ABCC9: variants seen among roughly 807,000 people sequenced by gnomAD.
ABCC9 encodes ATP-binding cassette sub-family C member 9.
ABCC9 carries 95 observed loss-of-function variants against 188.3 expected under a neutral mutation model. That is an observed-to-expected ratio of 0.50 (90% CI 0.43 to 0.60). The LOEUF (loss-of-function observed/expected upper bound fraction) is 0.60. ABCC9 is among the 20% of genes least tolerant of loss of function. The pLI is 0.00. For missense variants in ABCC9, 1,102 were observed against 1,876.3 expected (o/e 0.59, Z 7.62); for synonymous variants, 659 against 652.7 (o/e 1.01, Z -0.15).
chr12:21,866,657 A>T (rs1338880427), intron 18 of ABCC9, among the ~76,000 whole-genome samples: 1 of 152,216 alleles, frequency 6.6e-6, no homozygotes, highest in Non-Finnish European at 1.5e-5. Context: ...AAATTAATAA[A>T]TGCAAGGGTC....
In ABCC9 at chr12:21,806,076, A is replaced by AT. The variant is rs766410793; in HGVS notation, c.4450-17_4450-16insA. 2.2e-4 allele frequency: 348 copies of AT among 1,588,780 alleles called. No homozygotes were observed. The highest frequency in any genetic ancestry group is 2.7e-4 in the Non-Finnish European group (314 of 1,159,126). On this transcript the variant is annotated splice_polypyrimidine_tract_variant and intron_variant, in intron 38 of 39. Coordinates refer to ENST00000261200, the MANE Select transcript of ABCC9 (RefSeq NM_020297.4). ...AAATATTCTCCTGCAAAAAAAAAAA[A>AT]GTGTAAATTTTCTCGGGATTACTTT...
rs753497199 is a variant in ABCC9, at chr12:21,805,949, T to G, written c.4512+49A>C. On this transcript the variant is annotated intron_variant, in intron 39 of 39. Transcript: ENST00000261200. The stretch of plus-strand genomic sequence containing the variant: ...GCTAAAACCTAAAGATGATAACATG[T>G]TAGAACAAAAACCAAAGAGGTATAC... 4.5e-6 allele frequency: 7 copies of G among 1,555,648 alleles called. No homozygotes were observed. In the African/African-American group the frequency reaches 9.5e-5, roughly 21 times the overall value.
rs1379793768 is a variant in ABCC9 at position 21,894,277 on chromosome 12, A to G, written c.1660-103T>C. 7.0e-6 allele frequency: 9 copies of G among 1,279,696 alleles called. No homozygotes were observed. The East Asian group carries it at 1.6e-4, about 23-fold the overall frequency. 79.3% of individuals were successfully genotyped at this position (1,279,696 alleles called of 1,614,324 possible). ...CATATTCTGCTATGCCAGTATGTCCATTGTAACTATGATAACAATGACTTC... is the reference window on the plus strand; with the variant it reads ...CATATTCTGCTATGCCAGTATGTCCGTTGTAACTATGATAACAATGACTTC... On this transcript the variant is annotated intron_variant, in intron 13 of 39. Coordinates refer to ENST00000261200, the MANE Select transcript of ABCC9 (RefSeq NM_020297.4).
chr12:21,912,457 A>T (rs1321702050), intron 8 of ABCC9, among the ~76,000 whole-genome samples: 1 of 152,024 alleles, frequency 6.6e-6, no homozygotes, highest in Admixed American at 6.6e-5. Flanking sequence ...AGAAAAGAGA[A>T]ATGTACAATA....
Position 21,829,064 on chromosome 12 carries a change from C to T in ABCC9, c.3567-4G>A. 6.2e-7 allele frequency: 1 copy of T among 1,610,440 alleles called. No individual in the cohort carries two copies. The highest frequency in any genetic ancestry group is 8.5e-7 in the Non-Finnish European group (1 of 1,177,244). ...TTGTTTAAATCTGGTTTCATGCCTG[C>T]AGAAAACAAAAACACGATGTTAACC... is the stretch of plus-strand genomic sequence containing the variant. On this transcript the variant is annotated splice_polypyrimidine_tract_variant and splice_region_variant and intron_variant, in intron 30 of 39. Transcript: ENST00000261200.
At chr12:21,904,693 G>T (rs80323829) in intron 12 of ABCC9, among the ~76,000 whole-genome samples, 1,698 of 152,240 alleles carry the variant, frequency 0.011, 30 homozygotes, top group African/African-American at 0.037. Flanking sequence ...CATCATCACT[G>T]GCCATCAGAG....
rs1944434883 is a variant in ABCC9, at chr12:21,842,341, A to G, written c.3446T>C (p.Ile1149Thr). The G allele has an allele frequency of 6.2e-7, 1 of 1,614,038 alleles. No individual in the cohort carries two copies. Among genetic ancestry groups the G allele is most frequent in the Non-Finnish European group, 8.5e-7 (1 of 1,180,016 alleles). Reference protein sequence around the residue: ...LLPLGVAFYFIQKYFRVASKD... With the variant: ...LLPLGVAFYFTQKYFRVASKD... The stretch of plus-strand genomic sequence containing the variant: ...AGAGGCAACCCGAAAGTATTTCTGG[A>G]TAAAATAAAAGGCAACACCAAGGGG... The change falls in exon 29 of 40, where the codon ATC becomes ACC. Residue 1149 changes from isoleucine to threonine, a missense_variant. Coordinates refer to ENST00000261200, the MANE Select transcript of ABCC9 (RefSeq NM_020297.4).
chr12:21,821,905 G>A (rs1943055875), intron 31 of ABCC9, among the ~76,000 whole-genome samples: 1 of 151,908 alleles, frequency 6.6e-6, no homozygotes. Context: ...CCTTTCACGT[G>A]GTTAATGTTT....
intron 23 of ABCC9, 29 bp downstream of exon 23, chr12:21,852,339 A>T: frequency 6.2e-7 from 1 of 1,613,710 alleles, no homozygotes; most frequent in Non-Finnish European, 8.5e-7. Context: ...TAATATAAAA[A>T]TGAGCAAAAT....
At position 21,926,206 on chromosome 12, in the gene ABCC9, TAAGGGAAGAATATATTGA is replaced by T. The variant is rs1949039890; in HGVS notation, c.285-161_285-144del. The T allele has an allele frequency of 3.4e-6, 4 of 1,164,316 alleles. No individual in the cohort carries two copies. The South Asian group carries it at 5.4e-5, about 16-fold the overall frequency. 72.1% of individuals were successfully genotyped at this position (1,164,316 alleles called of 1,614,324 possible). On this transcript the variant is annotated intron_variant, in intron 4 of 39. Coordinates refer to ENST00000261200, the MANE Select transcript of ABCC9 (RefSeq NM_020297.4). ...CAATAGTAGTTTCCAAGATAATACA[TAAGGGAAGAATATATTGA>T]AAGACATCGTTCTGCGGAAACGATT...
intron 12 of ABCC9, among the ~76,000 whole-genome samples, chr12:21,903,492 C>A (rs1473056053): frequency 6.6e-6 from 1 of 152,162 alleles, no homozygotes; most frequent in African/African-American, 2.4e-5. Flanking sequence ...GTCAAATTAT[C>A]CCTGTTTGCA....
chr12:21,934,357 A>G (rs1325131955), intron 3 of ABCC9, among the ~76,000 whole-genome samples: 2 of 152,174 alleles, frequency 1.3e-5, no homozygotes, highest in Non-Finnish European at 2.9e-5. Context: ...TACAGGACTC[A>G]TTAGCTGAGT....
At chr12:21,859,716 T>A in intron 21 of ABCC9, 50 bp from the exon 22 acceptor site, 2 of 1,485,266 alleles carry the variant, frequency 1.3e-6, no homozygotes, top group Non-Finnish European at 9.4e-7. Context: ...TAGTAAATGA[T>A]CTTTTGGTAA....
At chr12:21,930,116 G>T (rs975980749) in intron 4 of ABCC9, among the ~76,000 whole-genome samples, 2 of 151,950 alleles carry the variant, frequency 1.3e-5, no homozygotes, top group Non-Finnish European at 2.9e-5. Context: ...TGCTGAGAAT[G>T]ATGTTTCCAG....
intron 25 of ABCC9, among the ~76,000 whole-genome samples, chr12:21,847,173 A>G (rs1488220640): frequency 6.6e-6 from 1 of 152,164 alleles, no homozygotes; most frequent in African/African-American, 2.4e-5. Flanking sequence ...AATATGGATT[A>G]ACACAGCAAG....
chr12:21,928,461 A>AAAGGAAGG (rs200544460), intron 4 of ABCC9, among the ~76,000 whole-genome samples: 2 of 144,472 alleles, frequency 1.4e-5, no homozygotes, highest in Non-Finnish European at 1.5e-5. Context: ...AGGGAGGAAG[A>AAAGGAAGG]AAGGAAGGAA....
intron 30 of ABCC9, among the ~76,000 whole-genome samples, chr12:21,833,661 T>C (rs530797738): frequency 4.6e-5 from 7 of 152,322 alleles, no homozygotes; most frequent in African/African-American, 1.7e-4. Flanking sequence ...GGCTGTTATA[T>C]GTTGAACTCA....
chr12:21,829,737 A>G (rs1017241999), intron 30 of ABCC9, among the ~76,000 whole-genome samples: 1 of 152,186 alleles, frequency 6.6e-6, no homozygotes, highest in African/African-American at 2.4e-5. Context: ...TCCAGGATAA[A>G]TTGTGTAGAA....
chr12:21,861,089 C>T, intron 20 of ABCC9, 34 bp from the exon 21 acceptor site: 1 of 1,523,956 alleles, frequency 6.6e-7, no homozygotes. Context: ...TTTTAGATCT[C>T]AATTAATACA....
Sources: gnomAD v4.1 joint callset for allele counts (sites outside exome capture counted in the v4.1 genomes callset) on GRCh38, gnomAD v4.1.1 for gene constraint, MANE v1.5 for transcripts, NCBI Gene and HGNC (gene_info 2026-07-23, HGNC 2026-07-21) for gene names.